The following TLE4 variants were observed in gnomAD, a reference collection of about 807,000 sequenced individuals.
The protein encoded by TLE4 is TLE family member 4, transcriptional corepressor, also known as transducin-like enhancer protein 4.
A neutral mutation model predicts 92.8 loss-of-function variants in TLE4; 8 were observed. The observed-to-expected ratio is 0.09, with a 90% CI of 0.05 to 0.16. The LOEUF (loss-of-function observed/expected upper bound fraction) is 0.16. TLE4 is among the 10% of genes least tolerant of loss of function. The pLI is 1.00. For synonymous variants in TLE4, 371 were observed against 374.1 expected, an observed-to-expected ratio of 0.99 and a Z score of 0.10; for missense variants, 675 against 997.6, an observed-to-expected ratio of 0.68 and a Z score of 4.36.
rs2075879382 is a variant in TLE4 at position 79,723,034 on chromosome 9, A to G, written c.2213A>G (p.Gln738Arg). The change falls in exon 19 of 20, where the codon CAG (glutamine) becomes CGG (arginine). Residue 738 changes from glutamine (Q) to arginine (R), a missense_variant and splice_region_variant. Around this residue, in one of 5 missense-constraint regions of TLE4, gnomAD observed 170 missense variants for 359.6 expected, o/e 0.47. Transcript: ENST00000376552. The stretch of plus-strand genomic sequence containing the variant: ...ACACCTTATGGGGCCAGTATATTCC[A>G]GGTAACATGGAACTTGTTAACTACC... The part of the protein sequence containing the change: ...WRTPYGASIF[Q>R]SKESSSVLSC... The G allele has an allele frequency of 6.2e-7, 1 of 1,613,808 alleles. No homozygotes were observed. Among genetic ancestry groups the G allele is most frequent in the Admixed American group, 1.7e-5 (1 of 59,992 alleles).
intron 8 of TLE4, among the ~76,000 whole-genome samples, chr9:79,701,136 T>G (rs947046588): frequency 6.6e-6 from 1 of 152,210 alleles, no homozygotes; most frequent in Admixed American, 6.5e-5. Flanking sequence ...ATGGTGGACT[T>G]ACAAGATTCA....
intron 14 of TLE4, among the ~76,000 whole-genome samples, chr9:79,712,188 C>A (rs113862310): frequency 6.6e-6 from 1 of 152,130 alleles, no homozygotes; most frequent in Non-Finnish European, 1.5e-5. Context: ...AGCTTTGTCC[C>A]AGCATATTAT....
intron 4 of TLE4, among the ~76,000 whole-genome samples, chr9:79,607,771 T>G (rs2132894486): frequency 6.6e-6 from 1 of 152,162 alleles, no homozygotes; most frequent in South Asian, 2.1e-4. Flanking sequence ...GCTGTTTTGG[T>G]ACCAGTACCA....
intron 8 of TLE4, among the ~76,000 whole-genome samples, chr9:79,692,084 C>A (rs925981645): frequency 6.6e-6 from 1 of 152,100 alleles, no homozygotes; most frequent in African/African-American, 2.4e-5. Flanking sequence ...CCCCCTCCCC[C>A]ATGTTAGTTT....
intron 8 of TLE4, among the ~76,000 whole-genome samples, chr9:79,664,766 G>A (rs1183455738): frequency 1.3e-5 from 2 of 152,056 alleles, no homozygotes; most frequent in Non-Finnish European, 2.9e-5. Flanking sequence ...ACTTCAGCAT[G>A]ACTGTACAGA....
At chr9:79,693,803 T>G (rs1461717397) in intron 8 of TLE4, 1 of 318,596 alleles carries the variant, frequency 3.1e-6, no homozygotes, top group African/African-American at 2.3e-5. Flanking sequence ...GCTAGCATTC[T>G]TTTTAATAAA....
At chr9:79,663,039 C>A (rs903581840) in intron 8 of TLE4, among the ~76,000 whole-genome samples, 3 of 151,264 alleles carry the variant, frequency 2.0e-5, no homozygotes, top group African/African-American at 7.3e-5. Context: ...TTTTAACCTC[C>A]CAACCTGGGT....
At chr9:79,723,334 C>T (rs533036466) in intron 19 of TLE4, among the ~76,000 whole-genome samples, 52 of 150,368 alleles carry the variant, frequency 3.5e-4, no homozygotes, top group Non-Finnish European at 6.8e-4. Flanking sequence ...GAATTTTATA[C>T]ATGTATGTCT....
chr9:79,697,552 T>C (rs1816536148), intron 8 of TLE4, among the ~76,000 whole-genome samples: 1 of 152,118 alleles, frequency 6.6e-6, no homozygotes, highest in Non-Finnish European at 1.5e-5. Context: ...CAAAGCATCA[T>C]GTCCCAGCAG....
intron 4 of TLE4, among the ~76,000 whole-genome samples, chr9:79,593,775 A>G (rs1374848254): frequency 1.3e-5 from 2 of 152,168 alleles, no homozygotes; most frequent in Admixed American, 6.5e-5. Context: ...ATACTTTTCT[A>G]GTCTAGGTTC....
At chr9:79,687,094 G>A (rs2066027715) in intron 8 of TLE4, among the ~76,000 whole-genome samples, 1 of 152,236 alleles carries the variant, frequency 6.6e-6, no homozygotes. Flanking sequence ...AAGACACACA[G>A]TAATTATAGA....
chr9:79,574,809 C>A, intron 2 of TLE4, 64 bp from the exon 3 acceptor site: 1 of 1,319,136 alleles, frequency 7.6e-7, no homozygotes, highest in Non-Finnish European at 1.1e-6. Flanking sequence ...TTAGAATATG[C>A]GTTTAAGAGT....
chr9:79,611,184 G>T (rs577728467), intron 4 of TLE4, among the ~76,000 whole-genome samples: 2 of 152,158 alleles, frequency 1.3e-5, no homozygotes, highest in South Asian at 4.1e-4. Context: ...GTGGAGAGTG[G>T]TTTGGTGATT....
chr9:79,605,237 C>T (rs563314876), intron 4 of TLE4, among the ~76,000 whole-genome samples: 5 of 152,210 alleles, frequency 3.3e-5, no homozygotes, highest in Admixed American at 3.3e-4. Flanking sequence ...TCTGCTCCTT[C>T]TGACATCCCA....
intron 4 of TLE4, 86 bp downstream of exon 4, chr9:79,576,263 TG>T: frequency 9.6e-7 from 1 of 1,040,320 alleles, no homozygotes; most frequent in Non-Finnish European, 1.4e-6. Flanking sequence ...AGTTTTATTC[TG>T]CAAGCCGTTG....
intron 4 of TLE4, chr9:79,576,915 A>C (rs2037985674): frequency 6.6e-6 from 1 of 151,982 alleles, no homozygotes; most frequent in South Asian, 2.1e-4. Context: ...TTTCCTAGAC[A>C]GAAGAATAAT....
chr9:79,662,257 T>C (rs1362359626), intron 8 of TLE4, among the ~76,000 whole-genome samples: 1 of 152,232 alleles, frequency 6.6e-6, no homozygotes, highest in East Asian at 1.9e-4. Flanking sequence ...GAAGGATTCT[T>C]GAATCTTCTT....
rs2136202720 is a variant in TLE4 at position 79,718,725 on chromosome 9, A to G, written c.1344A>G (p.Ala448=). Residue 448 remains alanine (A), a synonymous_variant, in exon 15 of 20, where the codon GCA becomes GCG. Transcript: ENST00000376552. ...TTTTTCCTCTCCATTGCCTTAGAGC[A>G]TACTCCTTCCATGTTAGCGCAGATG... ...NLTGIPGGKP[A]YSFHVSADGQ... 6.2e-7 allele frequency: 1 copy of G among 1,612,812 alleles called. No individual in the cohort carries two copies. The highest frequency in any genetic ancestry group is 8.5e-7 in the Non-Finnish European group (1 of 1,178,938).
chr9:79,670,287 G>A (rs970480928), intron 8 of TLE4, among the ~76,000 whole-genome samples: 2 of 151,980 alleles, frequency 1.3e-5, no homozygotes, highest in Non-Finnish European at 2.9e-5. Flanking sequence ...AGACTACACC[G>A]ACTTGACTCA....
Sources: allele counts gnomAD v4.1 joint callset (sites outside exome capture counted in the v4.1 genomes callset), GRCh38; gene constraint gnomAD v4.1.1; regional missense constraint gnomAD v4.1.1; transcripts MANE v1.5; gene names NCBI Gene and HGNC (gene_info 2026-07-23, HGNC 2026-07-21).